Variants in STOML1 observed in about 807,000 individuals in gnomAD.
The protein encoded by STOML1 is stomatin-like protein 1.
A neutral mutation model predicts 35.7 loss-of-function variants in STOML1; 27 were observed. The observed-to-expected ratio is 0.76, with a 90% CI of 0.56 to 1.04. The LOEUF (loss-of-function observed/expected upper bound fraction) is 1.04, where lower values mean the gene tolerates loss of function less well. Among genes scored for constraint, STOML1 ranks in the 50% least tolerant of loss-of-function variants. The pLI is 0.00. For missense variants in STOML1, 451 were observed against 527.1 expected (o/e 0.86, Z 1.41); for synonymous variants, 219 against 227.9 (o/e 0.96, Z 0.35).
intron 4 of STOML1, chr15:73,985,814 C>G (rs1442570148): frequency 8.4e-6 from 3 of 356,388 alleles, no homozygotes; most frequent in Non-Finnish European, 1.5e-5. Flanking sequence ...GACAAGAAAA[C>G]CTGGCATGTT....
chr15:73,990,787 T>C (rs2069250294), intron 1 of STOML1: 1 of 1,533,942 alleles, frequency 6.5e-7, no homozygotes. Context: ...GTCAATCCTC[T>C]CGTTTAATTT....
At chr15:73,984,435 G>C (rs1486547448) in intron 6 of STOML1, among the ~76,000 whole-genome samples, 1 of 152,222 alleles carries the variant, frequency 6.6e-6, no homozygotes, top group East Asian at 1.9e-4. Flanking sequence ...CCTGTAACAC[G>C]GGCAGGCCTC....
Position 73,989,088 on chromosome 15 carries a change from G to A in STOML1, c.390+20C>T. 6.4e-7 allele frequency: 1 copy of A among 1,566,000 alleles called. No homozygotes were observed. The highest frequency in any genetic ancestry group is 8.7e-7 in the Non-Finnish European group (1 of 1,154,174). On this transcript the variant is annotated intron_variant, in intron 3 of 6. Coordinates refer to ENST00000541638, the MANE Select transcript of STOML1 (RefSeq NM_004809.5). ...ACAGGCCCCCAGTTCCTCTGTCAAG[G>A]CAGCTGAGAAGCCCCTCACCTTGCA...
rs767783714 is a variant in STOML1 at position 73,988,773 on chromosome 15, G to A, written c.420C>T (p.Ser140=). Residue 140 remains serine, a synonymous_variant, in exon 4 of 7, where the codon TCC becomes TCT. Coordinates refer to ENST00000541638, the MANE Select transcript of STOML1 (RefSeq NM_004809.5). The surrounding 1 kb of genome is among the most constrained non-coding windows in gnomAD (Gnocchi z 4.8). The part of the protein sequence containing the change: ...KLASKDGAVL[S]VGADVQFRIW... ...TGCGAAACTGGACATCGGCTCCCAC[G>A]GACAGCACAGCCCCGTCCTTAGAGG... The A allele has an allele frequency of 5.1e-5, 82 of 1,614,040 alleles. No homozygotes were observed. In the Middle Eastern group the frequency reaches 8.2e-4, roughly 16 times the overall value.
chr15:73,992,818 G>A (rs754561414), upstream of STOML1, among the ~76,000 whole-genome samples: 2 of 152,166 alleles, frequency 1.3e-5, no homozygotes, highest in Non-Finnish European at 2.9e-5. Context: ...GGGTTTACAG[G>A]AAGCCAATCT....
At position 73,985,357 on chromosome 15, in the gene STOML1, T is replaced by C; in HGVS notation, c.751A>G (p.Met251Val). 1 of 1,561,990 alleles carries C rather than the reference T, an allele frequency of 6.4e-7. No individual in the cohort carries two copies. The highest frequency in any genetic ancestry group is 8.6e-7 in the Non-Finnish European group (1 of 1,159,284). The change falls in exon 5 of 7, where the codon ATG becomes GTG. Residue 251 changes from methionine (M) to valine (V), a missense_variant. Physicochemically the swap from Met to Val is conservative, Grantham distance 21 (BLOSUM62 1). Coordinates refer to ENST00000541638, the MANE Select transcript of STOML1 (RefSeq NM_004809.5). Reference protein sequence around the residue: ...QLALHFLGGSMNSMAGGAPSP... With the variant: ...QLALHFLGGSVNSMAGGAPSP... The stretch of plus-strand genomic sequence containing the variant: ...GGGGCACCTCCTGCCATTGAGTTCA[T>C]GCTTCCTCCCAGGAAGTGCAGGGCC...
chr15:73,984,823 A>G lies in STOML1; in HGVS notation c.839T>C (p.Val280Ala), dbSNP rs1175402536. 1.2e-6 allele frequency: 2 copies of G among 1,614,092 alleles called. No individual in the cohort carries two copies. Among genetic ancestry groups the G allele is most frequent in the East Asian group, 2.2e-5 (1 of 44,884 alleles). ...CTGCTTCGGACTGGACCTGGCACCA[A>G]CTTGAGGGGCAGGTGGCTCAACTTC... ...VSEVEPPAPQ[V>A]GARSSPKQPL... Residue 280 changes from valine to alanine, a missense_variant, in exon 6 of 7, where the codon GTT becomes GCT. Physicochemically the swap from Val to Ala is moderately conservative, Grantham distance 64. Coordinates refer to ENST00000541638, the MANE Select transcript of STOML1 (RefSeq NM_004809.5).
rs1242450049 is a variant in STOML1, at chr15:73,979,394, C to T, written c.*4543G>A. On this transcript the variant is annotated 3_prime_UTR_variant, in exon 7 of 7. Transcript: ENST00000541638. ...TGAGATGGAGTCTCACTCTGTTGCCCAGGCTAAAGTGCAGTGGCATGATCT... is the reference window on the plus strand; with the variant it reads ...TGAGATGGAGTCTCACTCTGTTGCCTAGGCTAAAGTGCAGTGGCATGATCT... 2.6e-5 allele frequency: 4 copies of T among 152,144 alleles called. No individual in the cohort carries two copies. The highest frequency in any genetic ancestry group is 4.4e-5 in the Non-Finnish European group (3 of 68,022). The allele number at this position is 152,144 out of a possible 1,614,324, so 9.4% of individuals were successfully genotyped here. A position where few individuals can be genotyped will look rare whatever the true frequency, so the allele number is the denominator to read the frequency against.
At position 73,984,044 on chromosome 15, in the gene STOML1, A is replaced by G; in HGVS notation, c.1090T>C (p.Cys364Arg). The G allele has an allele frequency of 6.2e-7, 1 of 1,614,058 alleles. No homozygotes were observed. Among genetic ancestry groups the G allele is most frequent in the Non-Finnish European group, 8.5e-7 (1 of 1,180,018 alleles). ...MAEADLRALL[C>R]RELRPLGAYM... ...GCCCCCAGGGGCCGCAGCTCTCTGC[A>G]TAGCAGGGCCCGCAGGTCTGCCTCG... is the stretch of plus-strand genomic sequence containing the variant. The change falls in exon 7 of 7, where the codon TGC becomes CGC. Residue 364 changes from cysteine (C) to arginine (R), a missense_variant. By Grantham distance (180) the Cys-to-Arg change is radical. Coordinates refer to ENST00000541638, the MANE Select transcript of STOML1 (RefSeq NM_004809.5).
Position 73,983,714 on chromosome 15 carries a change from G to T in STOML1, c.*223C>A, listed in dbSNP as rs2068995963. The T allele has an allele frequency of 1.4e-5, 7 of 504,360 alleles. No homozygotes were observed. In the South Asian group the frequency reaches 2.5e-4, roughly 18 times the overall value. 31.2% of individuals were successfully genotyped at this position (504,360 alleles called of 1,614,324 possible). A position where few individuals can be genotyped will look rare whatever the true frequency, so the allele number is the denominator to read the frequency against. The stretch of plus-strand genomic sequence containing the variant: ...AGCTCAGCGCTGGGCACTCAGCTGG[G>T]GACCGGGATGGACAAAGCCTTGTCC... On this transcript the variant is annotated 3_prime_UTR_variant, in exon 7 of 7. Coordinates refer to ENST00000541638, the MANE Select transcript of STOML1 (RefSeq NM_004809.5).
At chr15:73,990,823 G>A in intron 1 of STOML1, 1 of 1,535,474 alleles carries the variant, frequency 6.5e-7, no homozygotes, top group Non-Finnish European at 8.7e-7. Flanking sequence ...ACCTGGCATG[G>A]AGCCAGGAGC....
intron 4 of STOML1, chr15:73,986,615 G>C (rs188786311): frequency 1.3e-5 from 2 of 152,898 alleles, no homozygotes; most frequent in African/African-American, 4.8e-5. Flanking sequence ...GAAGGAGGAA[G>C]TACAGGGGGT....
Position 73,992,077 on chromosome 15 carries a change from A to C in STOML1, c.133+14T>G. ...CGGTCCCCCCCGGCTCCGCCGTGCC[A>C]GGCGGCCACTCACCGGCCCCTGTCC... is the stretch of plus-strand genomic sequence containing the variant. On this transcript the variant is annotated intron_variant, in intron 1 of 6. Coordinates refer to ENST00000541638, the MANE Select transcript of STOML1 (RefSeq NM_004809.5). The C allele has an allele frequency of 6.4e-7, 1 of 1,568,048 alleles. No individual in the cohort carries two copies. Among genetic ancestry groups the C allele is most frequent in the East Asian group, 2.4e-5 (1 of 42,070 alleles).
At chr15:73,985,766 A>T (rs1276013472) in intron 4 of STOML1, 2 of 467,022 alleles carry the variant, frequency 4.3e-6, no homozygotes, top group African/African-American at 4.2e-5. Flanking sequence ...GTGGAGGAGG[A>T]CCCTTCCAGC....
chr15:73,984,635 G>A lies in STOML1; in HGVS notation c.1003+24C>T, dbSNP rs147088139. The A allele has an allele frequency of 2.9e-4, 466 of 1,610,212 alleles. 4 individuals are homozygous for A. The African/African-American group carries it at 4.4e-3, about 15-fold the overall frequency. On this transcript the variant is annotated intron_variant, in intron 6 of 6. Transcript: ENST00000541638. ...GAAACCTAGCAAGCTGGATGGGAAG[G>A]AGAGGCAAGGAGGGCAGCGGCACCT...
At chr15:73,986,417 G>C (rs1567103804) in intron 4 of STOML1, 9 of 152,084 alleles carry the variant, frequency 5.9e-5, no homozygotes, top group Admixed American at 5.2e-4. Context: ...TAGGCAGCTG[G>C]AGAAATGGCC....
At chr15:73,990,968 G>A in intron 1 of STOML1, 1 of 1,446,058 alleles carries the variant, frequency 6.9e-7, no homozygotes, top group Non-Finnish European at 9.1e-7. Flanking sequence ...ATCATAAATA[G>A]CTTATCAACG....
At position 73,991,724 on chromosome 15, in the gene STOML1, C is replaced by A. The variant is rs560909398; in HGVS notation, c.133+367G>T. ...TTCTTCCATTTCCCTGCAGCAGGTG[C>A]CTTTAGGGTGCTGGTGGCCTCCTCT... is the stretch of plus-strand genomic sequence containing the variant. On this transcript the variant is annotated intron_variant, in intron 1 of 6. Transcript: ENST00000541638. 1.0e-3 allele frequency: 515 copies of A among 500,290 alleles called. 4 individuals are homozygous for A. The highest frequency in any genetic ancestry group is 9.0e-3 in the African/African-American group (469 of 51,882). The allele number at this position is 500,290 out of a possible 1,614,324, so 31.0% of individuals were successfully genotyped here.
Position 73,984,748 on chromosome 15 carries a change from G to A in STOML1, c.914C>T (p.Ala305Val). ...GCAGGCCCCGACTTGGCTGACCAGG[G>A]CCTCAGACAGGAAGGGCTGTAGAGC... Reference protein sequence around the residue: ...LTALQPFLSEALVSQVGACYQ... With the variant: ...LTALQPFLSEVLVSQVGACYQ... Residue 305 changes from alanine (A) to valine (V), a missense_variant, in exon 6 of 7, where the codon GCC (alanine) becomes GTC (valine). By Grantham distance (64) the Ala-to-Val change is moderately conservative. Coordinates refer to ENST00000541638, the MANE Select transcript of STOML1 (RefSeq NM_004809.5). The A allele has an allele frequency of 1.2e-6, 2 of 1,614,088 alleles. No homozygotes were observed. The highest frequency in any genetic ancestry group is 1.7e-6 in the Non-Finnish European group (2 of 1,180,032).
Sources: gnomAD v4.1 joint callset for allele counts (sites outside exome capture counted in the v4.1 genomes callset) on GRCh38, gnomAD v4.1.1 for gene constraint, Gnocchi (gnomAD v3.1) non-coding constraint, MANE v1.5 for transcripts, NCBI Gene and HGNC (gene_info 2026-07-23, HGNC 2026-07-21) for gene names.